The following SH3GL3 variants were observed in gnomAD, a reference collection of about 807,000 sequenced individuals.
SH3GL3 encodes the protein SH3 domain containing GRB2 like 3, endophilin A3.
SH3GL3 carries 33 observed loss-of-function variants against 47.7 expected under a neutral mutation model. The ratio of observed to expected loss-of-function variants is 0.69; its 90% confidence interval spans 0.52 to 0.92. The LOEUF is 0.92. Ranked by LOEUF, SH3GL3 falls within the 40% of genes least tolerant of loss-of-function variation. SH3GL3 has a pLI of 0.00. For missense variants in SH3GL3, 363 were observed against 417.8 expected (o/e 0.87, Z 1.14); for synonymous variants, 155 against 148.8 (o/e 1.04, Z -0.30).
chr15:83,514,280 C>G (rs773875920), intron 1 of SH3GL3, among the ~76,000 whole-genome samples: 3 of 152,140 alleles, frequency 2.0e-5, no homozygotes, highest in Admixed American at 6.5e-5. Flanking sequence ...GCAATTCAGC[C>G]CTCTGTTTTC....
intron 1 of SH3GL3, among the ~76,000 whole-genome samples, chr15:83,504,164 A>C (rs962174460): frequency 6.6e-6 from 1 of 152,218 alleles, no homozygotes; most frequent in Admixed American, 6.5e-5. Flanking sequence ...GTGGAATCTG[A>C]CATACCTTGG....
intron 1 of SH3GL3, among the ~76,000 whole-genome samples, chr15:83,557,592 A>G (rs547022979): frequency 3.3e-5 from 5 of 152,316 alleles, no homozygotes; most frequent in East Asian, 1.9e-4. Flanking sequence ...ACGTTACTGC[A>G]GTCACCTGCA....
intron 1 of SH3GL3, among the ~76,000 whole-genome samples, chr15:83,541,398 A>G (rs1450729637): frequency 1.6e-5 from 2 of 121,888 alleles, no homozygotes; most frequent in East Asian, 5.5e-4. Flanking sequence ...CAGTGGCGCG[A>G]TCTCGGCTCA....
intron 1 of SH3GL3, among the ~76,000 whole-genome samples, chr15:83,497,928 C>T (rs2042145416): frequency 6.6e-6 from 1 of 152,214 alleles, no homozygotes; most frequent in South Asian, 2.1e-4. Flanking sequence ...ACTTTTAACT[C>T]TCTGTTCACT....
At chr15:83,621,937 C>T (rs981797179), downstream of SH3GL3, among the ~76,000 whole-genome samples, 1 of 152,104 alleles carries the variant, frequency 6.6e-6, no homozygotes, top group Non-Finnish European at 1.5e-5. Flanking sequence ...TTCCACGGTA[C>T]ATCACTAAAT....
At chr15:83,517,205 C>CTTTTTTTTTTTTTTTTT (rs36096315) in intron 1 of SH3GL3, among the ~76,000 whole-genome samples, 1 of 109,688 alleles carries the variant, frequency 9.1e-6, no homozygotes, top group Non-Finnish European at 1.9e-5. Flanking sequence ...CTTTTCTTTT[C>CTTTTTTTTTTTTTTTTT]TTTTTTTTTT....
chr15:83,538,891 G>T (rs115209906), intron 1 of SH3GL3, among the ~76,000 whole-genome samples: 1 of 152,214 alleles, frequency 6.6e-6, no homozygotes, highest in African/African-American at 2.4e-5. Flanking sequence ...CTGAGTCATA[G>T]GGTATGGTTA....
intron 1 of SH3GL3, among the ~76,000 whole-genome samples, chr15:83,469,317 C>T (rs1017889365): frequency 5.3e-5 from 8 of 151,944 alleles, no homozygotes; most frequent in East Asian, 3.8e-4. Context: ...TTTTCAATTT[C>T]GTTGATTTCT....
At chr15:83,476,691 C>T (rs988024731) in intron 1 of SH3GL3, among the ~76,000 whole-genome samples, 2 of 152,246 alleles carry the variant, frequency 1.3e-5, no homozygotes, top group African/African-American at 4.8e-5. Context: ...CAGCCATGCT[C>T]ATTTACCTAC....
intron 6 of SH3GL3, among the ~76,000 whole-genome samples, chr15:83,579,730 A>C (rs1014059037): frequency 6.6e-6 from 1 of 151,742 alleles, no homozygotes; most frequent in African/African-American, 2.4e-5. Flanking sequence ...CTTTTCTCCT[A>C]CCCAGGTTTA....
In SH3GL3 at chr15:83,618,356, G is replaced by A. The variant is rs990205758; in HGVS notation, c.*69G>A. 21 of 971,784 alleles carry A rather than the reference G, an allele frequency of 2.2e-5. No homozygotes were observed. The highest frequency in any genetic ancestry group is 8.0e-5 in the African/African-American group (5 of 62,664). The allele number at this position is 971,784 out of a possible 1,614,324, so 60.2% of individuals were successfully genotyped here. A position where few individuals can be genotyped will look rare whatever the true frequency, so the allele number is the denominator to read the frequency against. On this transcript the variant is annotated 3_prime_UTR_variant, in exon 9 of 9. Coordinates refer to ENST00000427482, the MANE Select transcript of SH3GL3 (RefSeq NM_003027.5). The stretch of plus-strand genomic sequence containing the variant: ...ATTCACACCAGTGTGCTCTCAGTGC[G>A]GTGTTCTGTGACATCCTTTGCTCTC...
chr15:83,627,598 C>CT, the SH3GL3 span, among the ~76,000 whole-genome samples: 16 of 151,260 alleles, frequency 1.1e-4, no homozygotes, highest in East Asian at 1.9e-4. Flanking sequence ...ATCTAGACAA[C>CT]TTTTTTTTTA....
intron 1 of SH3GL3, among the ~76,000 whole-genome samples, chr15:83,466,720 T>C (rs1168861078): frequency 2.0e-5 from 3 of 152,214 alleles, no homozygotes; most frequent in Non-Finnish European, 2.9e-5. Context: ...CCATTTATTG[T>C]CATTCTTTTT....
At chr15:83,577,412 T>C (rs1209657407) in intron 6 of SH3GL3, among the ~76,000 whole-genome samples, 2 of 152,042 alleles carry the variant, frequency 1.3e-5, no homozygotes, top group Non-Finnish European at 2.9e-5. Context: ...ACTCACATCT[T>C]TTTTTGGAGA....
intron 1 of SH3GL3, among the ~76,000 whole-genome samples, chr15:83,516,621 G>A (rs1212135067): frequency 6.6e-6 from 1 of 152,082 alleles, no homozygotes; most frequent in Non-Finnish European, 1.5e-5. Context: ...CAGAACAAGG[G>A]TGGGGGAAGG....
Position 83,499,395 on chromosome 15 carries a change from CA to C in SH3GL3, c.45+51833del, listed in dbSNP as rs11374002. ...AGCCTGGGCGACAGAGACTCCATCT[CA>C]AAAAAAAAAAAAAAAGAAAGGCACT... is the stretch of plus-strand genomic sequence containing the variant. On this transcript the variant is annotated intron_variant, in intron 1 of 8. Coordinates refer to ENST00000427482, the MANE Select transcript of SH3GL3 (RefSeq NM_003027.5). Among the ~76,000 whole-genome samples, 192 of 122,042 alleles carry C rather than the reference CA, an allele frequency of 1.6e-3. 1 individual carries two copies. In the East Asian group the frequency reaches 0.019, roughly 12 times the overall value. The allele number at this position is 122,042 out of a possible 152,430, so 80.1% of individuals were successfully genotyped here. A position where few individuals can be genotyped will look rare whatever the true frequency, so the allele number is the denominator to read the frequency against.
At chr15:83,505,607 A>G (rs772533306) in intron 1 of SH3GL3, among the ~76,000 whole-genome samples, 2 of 148,812 alleles carry the variant, frequency 1.3e-5, no homozygotes, top group Non-Finnish European at 1.5e-5. Flanking sequence ...GGCTCACTGC[A>G]ACCTCTACCT....
chr15:83,508,205 G>T (rs1375236374), intron 1 of SH3GL3, among the ~76,000 whole-genome samples: 2 of 152,120 alleles, frequency 1.3e-5, no homozygotes, highest in Non-Finnish European at 2.9e-5. Flanking sequence ...CTCCCAAAGT[G>T]CTGGGATTAC....
Position 83,568,284 on chromosome 15 carries a change from G to A in SH3GL3, c.188-245G>A, listed in dbSNP as rs550127512. Among the ~76,000 whole-genome samples the A allele has an allele frequency of 3.3e-5, 5 of 152,092 alleles. No individual in the cohort carries two copies. In the South Asian group the frequency reaches 8.3e-4, roughly 25 times the overall value. On this transcript the variant is annotated intron_variant, in intron 3 of 8. Coordinates refer to ENST00000427482, the MANE Select transcript of SH3GL3 (RefSeq NM_003027.5). ...CAGGTGTGAGCCACTGCGCCCAGCC[G>A]ATGTGCACCATCATTTCTATGGTTC...
Sources: gnomAD v4.1 joint callset for allele counts (sites outside exome capture counted in the v4.1 genomes callset) on GRCh38, gnomAD v4.1.1 for gene constraint, MANE v1.5 for transcripts, NCBI Gene and HGNC (gene_info 2026-07-23, HGNC 2026-07-21) for gene names.